Variants in ZNF329 observed in about 807,000 individuals in gnomAD.
ZNF329 encodes the protein zinc finger protein 329.
Under a neutral mutation model 26.6 loss-of-function variants are expected in ZNF329, and 15 were observed. The ratio of observed to expected loss-of-function variants is 0.56; its 90% CI spans 0.38 to 0.87. ZNF329 has a LOEUF of 0.87. Ranked by LOEUF, ZNF329 falls within the 40% of genes least tolerant of loss-of-function variation. ZNF329 has a pLI of 0.00. For missense variants in ZNF329, 651 were observed against 651.9 expected (o/e 1.00, Z 0.02); for synonymous variants, 239 against 233.5 (o/e 1.02, Z -0.21).
chr19:58,154,063 G>A (rs1463186488), upstream of ZNF329, among the ~76,000 whole-genome samples: 1 of 150,948 alleles, frequency 6.6e-6, no homozygotes, highest in African/African-American at 2.4e-5. Context: ...GTGCAGTGGC[G>A]TGATCTCAGC....
intron 3 of ZNF329, among the ~76,000 whole-genome samples, chr19:58,130,179 C>T (rs2074905486): frequency 6.6e-6 from 1 of 152,096 alleles, no homozygotes; most frequent in African/African-American, 2.4e-5. Flanking sequence ...AAAAATCAGC[C>T]AGGCGTGGTG....
In ZNF329 at chr19:58,128,604, T is replaced by C. The variant is rs780125096; in HGVS notation, c.900A>G (p.Ser300=). The part of the protein sequence containing the change: ...LECGKTFNRN[S]SLILHQRTHT... ...GAGTTCTTTGGTGCAAAATTAAGGATGAATTTCGGTTGAAGGTTTTTCCAC... is the reference window on the plus strand; with the variant it reads ...GAGTTCTTTGGTGCAAAATTAAGGACGAATTTCGGTTGAAGGTTTTTCCAC... The change falls in exon 4 of 4, where the codon TCA becomes TCG. Residue 300 remains serine (S), a synonymous_variant. Coordinates refer to ENST00000598312, the MANE Select transcript of ZNF329 (RefSeq NM_024620.4). 1.2e-6 allele frequency: 2 copies of C among 1,611,360 alleles called. No homozygotes were observed. Among genetic ancestry groups the C allele is most frequent in the South Asian group, 1.1e-5 (1 of 90,818 alleles).
At chr19:58,133,531 G>A (rs2074995916) in intron 3 of ZNF329, among the ~76,000 whole-genome samples, 4 of 151,268 alleles carry the variant, frequency 2.6e-5, no homozygotes, top group South Asian at 4.2e-4. Flanking sequence ...AGGCTGCGGT[G>A]AGCTATGATT....
intron 3 of ZNF329, among the ~76,000 whole-genome samples, chr19:58,134,919 G>A (rs760274394): frequency 6.6e-5 from 10 of 152,048 alleles, no homozygotes; most frequent in Non-Finnish European, 1.3e-4. Flanking sequence ...CTGGGCAACA[G>A]AGCAAAACTC....
At chr19:58,154,836 C>T (rs1476793516), upstream of ZNF329, 5 of 152,464 alleles carry the variant, frequency 3.3e-5, no homozygotes, top group Non-Finnish European at 4.4e-5. Flanking sequence ...CAGCGGAGGC[C>T]CTGCCCGGAA....
intron 3 of ZNF329, among the ~76,000 whole-genome samples, chr19:58,131,919 A>C (rs955015681): frequency 6.6e-6 from 1 of 151,024 alleles, no homozygotes; most frequent in Non-Finnish European, 1.5e-5. Context: ...GCTACTTGGG[A>C]GGCTGAGGCA....
intron 1 of ZNF329, among the ~76,000 whole-genome samples, chr19:58,145,301 TTC>T (rs2075282929): frequency 1.4e-5 from 2 of 147,222 alleles, no homozygotes; most frequent in Admixed American, 7.0e-5. Flanking sequence ...CAAAAAAAAT[TTC>T]TTTTTTCTTC....
At chr19:58,145,010 T>C (rs2075275677) in intron 1 of ZNF329, among the ~76,000 whole-genome samples, 1 of 151,552 alleles carries the variant, frequency 6.6e-6, no homozygotes. Flanking sequence ...CCACCATGCC[T>C]GGCTAATTTT....
intron 1 of ZNF329, among the ~76,000 whole-genome samples, chr19:58,147,218 T>A: frequency 7.2e-6 from 1 of 139,160 alleles, no homozygotes; most frequent in Non-Finnish European, 1.5e-5. Flanking sequence ...GTCTGGGAGG[T>A]GAGGAGCGTC....
chr19:58,134,303 A>G (rs1481586097), intron 3 of ZNF329, among the ~76,000 whole-genome samples: 1 of 152,188 alleles, frequency 6.6e-6, no homozygotes, highest in Non-Finnish European at 1.5e-5. Flanking sequence ...GTCAGAATTA[A>G]AAACAAAAAC....
At chr19:58,131,615 A>G (rs1191524361) in intron 3 of ZNF329, among the ~76,000 whole-genome samples, 1 of 152,196 alleles carries the variant, frequency 6.6e-6, no homozygotes, top group Non-Finnish European at 1.5e-5. Flanking sequence ...AAGATTTAAA[A>G]GCACAAAGAA....
rs369478616 is a variant in ZNF329, at chr19:58,132,914, G to A, written c.-8-3403C>T. Among the ~76,000 whole-genome samples, 17 of 151,916 alleles carry A rather than the reference G, an allele frequency of 1.1e-4. No homozygotes were observed. The East Asian group carries it at 1.8e-3, about 16-fold the overall frequency. ...AGCAAGCTCCGCCTCCCAGGTTCACGCCATTCTCCTGCCTCAGCCTCCCCA... is the reference window on the plus strand; with the variant it reads ...AGCAAGCTCCGCCTCCCAGGTTCACACCATTCTCCTGCCTCAGCCTCCCCA... On this transcript the variant is annotated intron_variant, in intron 3 of 3. Transcript: ENST00000598312.
In ZNF329 at chr19:58,128,469, A is replaced by G. The variant is rs1323797896; in HGVS notation, c.1035T>C (p.Cys345=). 12 of 1,613,332 alleles carry G rather than the reference A, an allele frequency of 7.4e-6. No individual in the cohort carries two copies. Among genetic ancestry groups the G allele is most frequent in the South Asian group, 4.4e-5 (4 of 91,026 alleles). ...RIHTGEKPYE[C]SKCGKAFRDG... The stretch of plus-strand genomic sequence containing the variant: ...CCCGGAAAGCCTTTCCACATTTGCT[A>G]CACTCATAGGGCTTCTCACCGGTGT... Residue 345 remains cysteine, a synonymous_variant, in exon 4 of 4, where the codon TGT becomes TGC. Coordinates refer to ENST00000598312, the MANE Select transcript of ZNF329 (RefSeq NM_024620.4).
chr19:58,129,182 G>T lies in ZNF329; in HGVS notation c.322C>A (p.Pro108Thr). 1 of 1,614,180 alleles carries T rather than the reference G, an allele frequency of 6.2e-7. No individual in the cohort carries two copies. Among genetic ancestry groups the T allele is most frequent in the Non-Finnish European group, 8.5e-7 (1 of 1,180,050 alleles). Residue 108 changes from proline (P) to threonine (T), a missense_variant, in exon 4 of 4, where the codon CCC becomes ACC. Pro to Thr is a conservative substitution (Grantham distance 38). Transcript: ENST00000598312. ...TCTGCATAACTTTTAGGATAGCTGG[G>T]TAAGGCGGGGTCACAATCCAGACCA... Reference protein sequence around the residue: ...VSGLDCDPALPSYPKSYADKR... With the variant: ...VSGLDCDPALTSYPKSYADKR...
At chr19:58,130,977 C>G (rs2074926928) in intron 3 of ZNF329, among the ~76,000 whole-genome samples, 1 of 152,092 alleles carries the variant, frequency 6.6e-6, no homozygotes, top group African/African-American at 2.4e-5. Flanking sequence ...CAAAATGCTG[C>G]AAATACAGGG....
intron 3 of ZNF329, chr19:58,136,700 A>AAAG (rs2075077280): frequency 7.6e-6 from 1 of 131,264 alleles, no homozygotes; most frequent in African/African-American, 2.7e-5. Flanking sequence ...AAAAAAAAAA[A>AAAG]AAAAAAAAGG....
intron 3 of ZNF329, among the ~76,000 whole-genome samples, chr19:58,131,895 C>A (rs565227643): frequency 2.6e-5 from 4 of 151,754 alleles, no homozygotes; most frequent in East Asian, 3.9e-4. Context: ...TGGTGGCGGG[C>A]GCCTGTAGTC....
At chr19:58,132,679 G>GAA (rs1024028960) in intron 3 of ZNF329, 881 of 87,140 alleles carry the variant, frequency 0.01, 20 homozygotes, top group African/African-American at 0.032. Context: ...GACTCCGTCT[G>GAA]AAAAAAAAAA....
chr19:58,133,027 T>G (rs2074982971), intron 3 of ZNF329, among the ~76,000 whole-genome samples: 1 of 152,108 alleles, frequency 6.6e-6, no homozygotes, highest in South Asian at 2.1e-4. Flanking sequence ...TTAGCCAGGA[T>G]GGTCTCGAGC....
Sources: gnomAD v4.1 joint callset for allele counts (sites outside exome capture counted in the v4.1 genomes callset) on GRCh38, gnomAD v4.1.1 for gene constraint, MANE v1.5 for transcripts, NCBI Gene and HGNC (gene_info 2026-07-23, HGNC 2026-07-21) for gene names.